Variants in BRD2 observed in about 807,000 individuals in gnomAD.
The protein encoded by BRD2 is bromodomain containing 2, also known as bromodomain-containing protein 2.
BRD2 carries 15 observed loss-of-function variants against 79.1 expected under a neutral mutation model. That is an observed-to-expected ratio of 0.19 (90% CI 0.13 to 0.29). The LOEUF (loss-of-function observed/expected upper bound fraction) is 0.29. Ranked by LOEUF, BRD2 falls within the 10% of genes least tolerant of loss-of-function variation. The pLI, the probability that BRD2 is intolerant of heterozygous loss-of-function variation, is 1.00. For missense variants in BRD2, 1,053 were observed against 991.3 expected, an observed-to-expected ratio of 1.06 and a Z score of -0.84; for synonymous variants, 488 against 358.6, an observed-to-expected ratio of 1.36 and a Z score of -4.08.
chr6:32,977,624 C>T (rs1218354449), intron 8 of BRD2, 54 bp downstream of exon 8: 1 of 1,607,638 alleles, frequency 6.2e-7, no homozygotes, highest in East Asian at 2.2e-5. Context: ...GTTATTTTGT[C>T]ATGTGTGCTG....
In BRD2 at chr6:32,977,339, C is replaced by G. The variant is rs999489842; in HGVS notation, c.1201-103C>G. On this transcript the variant is annotated intron_variant, in intron 7 of 12. Coordinates refer to ENST00000374825, the MANE Select transcript of BRD2 (RefSeq NM_005104.4). ...AGGGCACAGATCCTTAAGGTCATCC[C>G]CACTGTGCTCTCAAGAGAGGGCTCT... The G allele has an allele frequency of 1.2e-5, 20 of 1,607,840 alleles. No individual in the cohort carries two copies. In the African/African-American group the frequency reaches 2.5e-4, roughly 20 times the overall value.
At chr6:32,977,099 TTTC>T in intron 7 of BRD2, 163 bp downstream of exon 7, 1 of 1,247,156 alleles carries the variant, frequency 8.0e-7, no homozygotes, top group African/African-American at 1.5e-5. Flanking sequence ...AGAATTTGTA[TTTC>T]TTGGAGTTTG....
At position 32,979,071 on chromosome 6, in the gene BRD2, TG is replaced by T. The variant is rs200715307; in HGVS notation, c.1841+684del. 7.2e-3 allele frequency: 1,040 copies of T among 144,366 alleles called. 29 individuals are homozygous for T. Among genetic ancestry groups the T allele is most frequent in the African/African-American group, 0.018 (706 of 38,360 alleles). 8.9% of individuals were successfully genotyped at this position (144,366 alleles called of 1,614,324 possible). On this transcript the variant is annotated intron_variant, in intron 10 of 12. Coordinates refer to ENST00000374825, the MANE Select transcript of BRD2 (RefSeq NM_005104.4). ...TGTTTTTTTTTGTTAGTTTGTTTTT[TG>T]TTTTGTTTTTTTTAAAGACTCCAGG... is the stretch of plus-strand genomic sequence containing the variant.
intron 8 of BRD2, 65 bp downstream of exon 8, chr6:32,977,635 C>T: frequency 6.2e-7 from 1 of 1,604,374 alleles, no homozygotes; most frequent in Non-Finnish European, 8.5e-7. Context: ...ATGTGTGCTG[C>T]ATAGCCTCAA....
In BRD2 at chr6:32,972,331, C is replaced by T. The variant is rs917586080; in HGVS notation, c.-568C>T. ...CGCTTGGAAATGGCCTTCGTCCCGG[C>T]CTATGACTGGTCCCAGCGGGCAGTA... On this transcript the variant is annotated 5_prime_UTR_variant, in exon 2 of 13. Transcript: ENST00000374825. 1.1e-5 allele frequency: 4 copies of T among 378,582 alleles called. No homozygotes were observed. The highest frequency in any genetic ancestry group is 2.0e-5 in the Non-Finnish European group (4 of 198,164). The allele number at this position is 378,582 out of a possible 1,614,324, so 23.5% of individuals were successfully genotyped here. A position where few individuals can be genotyped will look rare whatever the true frequency, so the allele number is the denominator to read the frequency against.
chr6:32,973,751 GTT>G (rs746787275), intron 2 of BRD2, among the ~76,000 whole-genome samples: 5 of 152,130 alleles, frequency 3.3e-5, no homozygotes, highest in Non-Finnish European at 7.4e-5. Flanking sequence ...GACCTTGACT[GTT>G]TTGTACGGCT....
At chr6:32,977,157 ATAAT>A (rs762448583) in intron 7 of BRD2, 42 of 1,328,562 alleles carry the variant, frequency 3.2e-5, no homozygotes, top group African/African-American at 1.3e-4. Context: ...AATACTGTCT[ATAAT>A]TAAGTACTAA....
chr6:32,973,387 G>A (rs548997601), intron 2 of BRD2, among the ~76,000 whole-genome samples: 16 of 152,242 alleles, frequency 1.1e-4, no homozygotes, highest in Non-Finnish European at 1.9e-4. Context: ...TCACTCTCCC[G>A]TGTGTGCAGG....
At position 32,977,835 on chromosome 6, in the gene BRD2, C is replaced by T. The variant is rs1778967523; in HGVS notation, c.1408C>T (p.Pro470Ser). The part of the protein sequence containing the change: ...PGPLPVSTAM[P>S]PGLAKSSSES... ...GCCTTTACCAGTCTCTACTGCCATG[C>T]CCCCTGGCTTGGCCAAATCGTCTTC... The change falls in exon 9 of 13, where the codon CCC becomes TCC. Residue 470 changes from proline to serine, a missense_variant. Transcript: ENST00000374825. 1 of 1,613,082 alleles carries T rather than the reference C, an allele frequency of 6.2e-7. No homozygotes were observed. The highest frequency in any genetic ancestry group is 8.5e-7 in the Non-Finnish European group (1 of 1,180,028).
At chr6:32,969,264 C>G in intron 1 of BRD2, 1 of 695,910 alleles carries the variant, frequency 1.4e-6, no homozygotes, top group Non-Finnish European at 2.7e-6. Flanking sequence ...CCTCATGCCT[C>G]CGTACCCATT....
Position 32,972,119 on chromosome 6 carries a change from TCAAG to T in BRD2, c.-777_-774del. 1.5e-6 allele frequency: 1 copy of T among 680,800 alleles called. No homozygotes were observed. The highest frequency in any genetic ancestry group is 2.7e-6 in the Non-Finnish European group (1 of 372,942). The allele number at this position is 680,800 out of a possible 1,614,324, so 42.2% of individuals were successfully genotyped here. Reference sequence around the variant, plus strand: ...GCGCGCGGAGGGGGTGGGGAAAAGCTCAAGCAGGGTGGCGCGCATGAGCGGCGAA... The same window carrying T: ...GCGCGCGGAGGGGGTGGGGAAAAGCTCAGGGTGGCGCGCATGAGCGGCGAA... On this transcript the variant is annotated 5_prime_UTR_variant, in exon 2 of 13. The change creates a premature stop within an existing upstream ORF in the 5' untranslated region. Transcript: ENST00000374825.
intron 1 of BRD2, among the ~76,000 whole-genome samples, chr6:32,969,857 G>C (rs944674525): frequency 6.6e-6 from 1 of 152,148 alleles, no homozygotes; most frequent in Non-Finnish European, 1.5e-5. Flanking sequence ...GTTTCTCCAG[G>C]GTGGCCTCTT....
At chr6:32,975,920 G>A in intron 4 of BRD2, 111 bp from the exon 5 acceptor site, 1 of 1,223,692 alleles carries the variant, frequency 8.2e-7, no homozygotes, top group Non-Finnish European at 1.1e-6. Context: ...CAAGATGACT[G>A]GTGGGGGTAT....
Position 32,976,719 on chromosome 6 carries a change from G to T in BRD2, c.983G>T (p.Arg328Leu). The stretch of plus-strand genomic sequence containing the variant: ...AGTGGTCGCCCCATCAAGCCCCCAC[G>T]CAAAGACTTGCCTGACTCTCAGCAA... ...RESGRPIKPP[R>L]KDLPDSQQQH... The change falls in exon 7 of 13, where the codon CGC becomes CTC. Residue 328 changes from arginine to leucine, a missense_variant. This residue lies in a region of BRD2 where 454 missense variants were observed against 430.5 expected (regional missense o/e 1.05). Transcript: ENST00000374825. 6.2e-7 allele frequency: 1 copy of T among 1,613,222 alleles called. No individual in the cohort carries two copies. The highest frequency in any genetic ancestry group is 8.5e-7 in the Non-Finnish European group (1 of 1,180,026).
rs769192210 is a variant in BRD2, at chr6:32,974,645, G to A, written c.213G>A (p.Lys71=). Residue 71 remains lysine, a synonymous_variant, in exon 3 of 13, where the codon AAG becomes AAA. Transcript: ENST00000374825. ...PPPPEVSNPK[K]PGRVTNQLQY... Reference sequence around the variant, plus strand: ...CCCCGGAGGTGTCCAATCCCAAAAAGCCAGGACGAGTTACCAACCAGCTGC... The same window carrying A: ...CCCCGGAGGTGTCCAATCCCAAAAAACCAGGACGAGTTACCAACCAGCTGC... 6.2e-7 allele frequency: 1 copy of A among 1,614,232 alleles called. No individual in the cohort carries two copies.
rs1272829621 is a variant in BRD2, at chr6:32,972,740, C to G, written c.-159C>G. 6.3e-6 allele frequency: 7 copies of G among 1,110,220 alleles called. No individual in the cohort carries two copies. The Admixed American group carries it at 1.4e-4, about 22-fold the overall frequency. 68.8% of individuals were successfully genotyped at this position (1,110,220 alleles called of 1,614,324 possible). A position where few individuals can be genotyped will look rare whatever the true frequency, so the allele number is the denominator to read the frequency against. ...AGCTCTCCGAGAGGCCCCAAAGAGA[C>G]TGCTTTCGTGCCGGCCAGGCAGGGG... On this transcript the variant is annotated 5_prime_UTR_variant, in exon 2 of 13. Coordinates refer to ENST00000374825, the MANE Select transcript of BRD2 (RefSeq NM_005104.4).
intron 2 of BRD2, among the ~76,000 whole-genome samples, chr6:32,974,177 C>T (rs906587637): frequency 1.3e-5 from 2 of 152,110 alleles, no homozygotes; most frequent in African/African-American, 4.8e-5. Context: ...CGTGCCTTGT[C>T]AGAAACAATT....
Position 32,977,444 on chromosome 6 carries a change from G to C in BRD2, c.1203G>C (p.Arg401=). ...TCTGATGCTGCCTCCTTCTGCAGCG[G>C]AAGATGGAGAACCGTGATTACCGGG... ...KHPMDLSTVK[R]KMENRDYRDA... Residue 401 remains arginine (R), a splice_region_variant and synonymous_variant, in exon 8 of 13, where the codon CGG becomes CGC. Coordinates refer to ENST00000374825, the MANE Select transcript of BRD2 (RefSeq NM_005104.4). 6.2e-7 allele frequency: 1 copy of C among 1,613,886 alleles called. No individual in the cohort carries two copies. The highest frequency in any genetic ancestry group is 8.5e-7 in the Non-Finnish European group (1 of 1,180,034).
chr6:32,969,266 G>C (rs116656352), intron 1 of BRD2: 1 of 695,962 alleles, frequency 1.4e-6, no homozygotes, highest in African/African-American at 1.8e-5. Flanking sequence ...TCATGCCTCC[G>C]TACCCATTGG....
Sources: allele counts gnomAD v4.1 joint callset (sites outside exome capture counted in the v4.1 genomes callset), GRCh38; gene constraint gnomAD v4.1.1; regional missense constraint gnomAD v4.1.1; transcripts MANE v1.5; gene names NCBI Gene and HGNC (gene_info 2026-07-23, HGNC 2026-07-21).